FANCD2: variants seen among roughly 807,000 people sequenced by gnomAD.
The protein encoded by FANCD2 is Fanconi anemia group D2 protein.
In FANCD2, 131 loss-of-function variants were observed where a neutral mutation model predicts 192.3. The ratio of observed to expected loss-of-function variants is 0.68; its 90% confidence interval spans 0.59 to 0.79. The LOEUF (loss-of-function observed/expected upper bound fraction) is 0.79, where lower values mean the gene tolerates loss of function less well. Ranked by LOEUF, FANCD2 falls within the 30% of genes least tolerant of loss-of-function variation. The pLI, the probability that FANCD2 is intolerant of heterozygous loss-of-function variation, is 0.00. For synonymous variants in FANCD2, 524 were observed against 612.5 expected (o/e 0.86, Z 2.13); for missense variants, 1,508 against 1,701.6 (o/e 0.89, Z 2.00).
At position 10,040,948 on chromosome 3, in the gene FANCD2, T is replaced by G. The variant is rs375588574; in HGVS notation, c.696-675T>G. On this transcript the variant is annotated intron_variant, in intron 9 of 43. Transcript: ENST00000675286. The stretch of plus-strand genomic sequence containing the variant: ...GTGGCTCATGCCTTTAATCCCAGCA[T>G]GTTGGGCGGCTGAAGTGGGTGGGTC... 1.9e-3 allele frequency: 315 copies of G among 167,172 alleles called. 12 individuals are homozygous for G. In the South Asian group the frequency reaches 0.045, roughly 24 times the overall value. 10.4% of individuals were successfully genotyped at this position (167,172 alleles called of 1,614,324 possible). A position where few individuals can be genotyped will look rare whatever the true frequency, so the allele number is the denominator to read the frequency against.
chr3:10,039,699 C>A (rs1206067280), intron 8 of FANCD2, 22 bp from the exon 9 acceptor site: 1 of 1,613,632 alleles, frequency 6.2e-7, no homozygotes, highest in East Asian at 2.2e-5. Context: ...TGCTGCAGTT[C>A]TAATAGTGTC....
Position 10,098,798 on chromosome 3 carries a change from A to C in FANCD2, c.4264A>C (p.Lys1422Gln), listed in dbSNP as rs1695131902. 1 of 1,614,224 alleles carries C rather than the reference A, an allele frequency of 6.2e-7. No homozygotes were observed. Among genetic ancestry groups the C allele is most frequent in the East Asian group, 2.2e-5 (1 of 44,884 alleles). Residue 1422 changes from lysine to glutamine, a missense_variant, in exon 43 of 44, where the codon AAG becomes CAG. Transcript: ENST00000675286. The part of the protein sequence containing the change: ...SEDDMSSQAS[K>Q]SKATEDGEED... ...GGATGACATGTCATCCCAGGCCTCC[A>C]AGAGCAAAGCCACTGAGGTATCTCT...
chr3:10,064,222 A>G (rs563161351), intron 21 of FANCD2, 134 bp from the exon 22 acceptor site: 2 of 826,840 alleles, frequency 2.4e-6, no homozygotes, highest in Non-Finnish European at 4.1e-6. Flanking sequence ...CTACTTCACA[A>G]TAGTGAGATA....
chr3:10,042,137 C>T (rs918887074), intron 10 of FANCD2, among the ~76,000 whole-genome samples: 1 of 152,042 alleles, frequency 6.6e-6, no homozygotes, highest in African/African-American at 2.4e-5. Flanking sequence ...ACCTTGTTTT[C>T]CACCCCCCTC....
At chr3:10,036,946 A>C (rs2086746140) in intron 7 of FANCD2, among the ~76,000 whole-genome samples, 1 of 151,302 alleles carries the variant, frequency 6.6e-6, no homozygotes, top group African/African-American at 2.4e-5. Flanking sequence ...AGTGATCCTC[A>C]CACCTCAGCA....
rs371321981 is a variant in FANCD2, at chr3:10,087,281, C to CTTTT, written c.3466+33_3466+36dup. ...AAAAAATTGGTGATGGGCCTAGATC[C>CTTTT]TTTTTTTTTTTTTTTTTTTAATGAA... On this transcript the variant is annotated intron_variant, in intron 34 of 43. Coordinates refer to ENST00000675286, the MANE Select transcript of FANCD2 (RefSeq NM_001018115.3). 4.6e-3 allele frequency: 6,024 copies of CTTTT among 1,304,206 alleles called. 8 individuals carry two copies. The highest frequency in any genetic ancestry group is 7.7e-3 in the South Asian group (549 of 71,010). 80.8% of individuals were successfully genotyped at this position (1,304,206 alleles called of 1,614,324 possible).
intron 26 of FANCD2, among the ~76,000 whole-genome samples, chr3:10,067,941 T>A (rs745700100): frequency 6.6e-6 from 1 of 152,164 alleles, no homozygotes; most frequent in Non-Finnish European, 1.5e-5. Context: ...ATATTTAAAT[T>A]GATGCTTAAA....
chr3:10,097,533 C>G (rs1272665125), intron 42 of FANCD2, among the ~76,000 whole-genome samples: 1 of 152,192 alleles, frequency 6.6e-6, no homozygotes, highest in African/African-American at 2.4e-5. Context: ...CTGTTCCGCC[C>G]GGCTCACCGG....
At chr3:10,066,099 T>C in intron 25 of FANCD2, 120 bp downstream of exon 25, 1 of 698,018 alleles carries the variant, frequency 1.4e-6, no homozygotes, top group South Asian at 1.5e-5. Flanking sequence ...TGTGCTTCTC[T>C]AGCTGTTATG....
At chr3:10,035,021 C>G in intron 5 of FANCD2, 152 bp from the exon 6 acceptor site, 1 of 721,066 alleles carries the variant, frequency 1.4e-6, no homozygotes, top group Non-Finnish European at 2.3e-6. Context: ...CTCTCCCTTG[C>G]AAAGAGCCAT....
Position 10,048,048 on chromosome 3 carries a change from G to A in FANCD2, c.1410G>A (p.Gln470=), listed in dbSNP as rs757001820. 4 of 1,614,252 alleles carry A rather than the reference G, an allele frequency of 2.5e-6. No homozygotes were observed. The East Asian group carries it at 6.7e-5, about 27-fold the overall frequency. The part of the protein sequence containing the change: ...YAFKFFDTYC[Q]QEVVGALVTH... ...TTAAGTTTTTTGACACGTACTGCCAGCAGGTATGTTGAAACATTTATTTTG... is the reference window on the plus strand; with the variant it reads ...TTAAGTTTTTTGACACGTACTGCCAACAGGTATGTTGAAACATTTATTTTG... Residue 470 remains glutamine, a synonymous_variant, in exon 16 of 44, where the codon CAG becomes CAA. Transcript: ENST00000675286.
At chr3:10,098,481 A>G (rs1695110596) in intron 42 of FANCD2, among the ~76,000 whole-genome samples, 1 of 152,230 alleles carries the variant, frequency 6.6e-6, no homozygotes, top group African/African-American at 2.4e-5. Flanking sequence ...GTGTGATACT[A>G]GCATACTAAG....
At chr3:10,054,743 A>T (rs1201261128) in intron 18 of FANCD2, among the ~76,000 whole-genome samples, 1 of 151,102 alleles carries the variant, frequency 6.6e-6, no homozygotes, top group East Asian at 1.9e-4. Flanking sequence ...TCGGCCTCCC[A>T]AAGTGCTGGG....
chr3:10,094,143 A>C, intron 39 of FANCD2, 146 bp from the exon 40 acceptor site: 1 of 681,100 alleles, frequency 1.5e-6, no homozygotes, highest in Non-Finnish European at 2.6e-6. Context: ...ACATTCTCCA[A>C]ATAAACCTTT....
At position 10,052,140 on chromosome 3, in the gene FANCD2, G is replaced by A. The variant is rs28654079; in HGVS notation, c.1546-247G>A. Among the ~76,000 whole-genome samples, 4,584 of 152,210 alleles carry A rather than the reference G, an allele frequency of 0.03. 239 individuals are homozygous for A. Among genetic ancestry groups the A allele is most frequent in the African/African-American group, 0.1 (4,357 of 41,506 alleles). On this transcript the variant is annotated intron_variant, in intron 17 of 43. Coordinates refer to ENST00000675286, the MANE Select transcript of FANCD2 (RefSeq NM_001018115.3). ...AAAACTTTATGTTTCCTGATAGTTA[G>A]TTCCTAGTCTCTGATAATAAGAGAT... is the stretch of plus-strand genomic sequence containing the variant.
At chr3:10,040,036 T>A in intron 9 of FANCD2, 191 bp downstream of exon 9, 1 of 333,662 alleles carries the variant, frequency 3.0e-6, no homozygotes, top group Non-Finnish European at 4.9e-6. Context: ...ATACTTTCTT[T>A]TTTTTTTTTT....
intron 28 of FANCD2, among the ~76,000 whole-genome samples, chr3:10,074,219 C>T (rs1693411907): frequency 2.6e-5 from 4 of 152,272 alleles, no homozygotes; most frequent in Admixed American, 1.3e-4. Flanking sequence ...CCTGGGATTA[C>T]AGGCATGAAC....
chr3:10,073,060 G>C, intron 27 of FANCD2, 79 bp downstream of exon 27: 1 of 902,366 alleles, frequency 1.1e-6, no homozygotes. Context: ...GTGTATCATG[G>C]CATCAGTAAT....
chr3:10,047,162 G>GTTTGT (rs1469558497), intron 15 of FANCD2, among the ~76,000 whole-genome samples: 1 of 152,292 alleles, frequency 6.6e-6, no homozygotes, highest in African/African-American at 2.4e-5. Flanking sequence ...AGTGGTTTGG[G>GTTTGT]GTTTGGGTTA....
Sources: allele counts gnomAD v4.1 joint callset (sites outside exome capture counted in the v4.1 genomes callset), GRCh38; gene constraint gnomAD v4.1.1; transcripts MANE v1.5; gene names NCBI Gene and HGNC (gene_info 2026-07-23, HGNC 2026-07-21).